The following DNAH11 variants were observed in gnomAD, a reference collection of about 807,000 sequenced individuals.
DNAH11 encodes dynein axonemal heavy chain 11.
DNAH11 carries 442 observed loss-of-function variants against 526.0 expected under a neutral mutation model. That is an observed-to-expected ratio of 0.84 (90% CI 0.78 to 0.91). The LOEUF is 0.91. Ranked by LOEUF, DNAH11 falls within the 40% of genes least tolerant of loss-of-function variation. The probability of loss-of-function intolerance (pLI) is 0.00; values close to 1 mark genes in which losing one functional copy is unlikely to be tolerated. For missense variants in DNAH11, 6,989 were observed against 5,448.7 expected, an observed-to-expected ratio of 1.28 and a Z score of -8.90; for synonymous variants, 2,461 against 1,935.9, an observed-to-expected ratio of 1.27 and a Z score of -7.12.
At chr7:21,789,806 T>TTTC (rs1411401870) in intron 61 of DNAH11, among the ~76,000 whole-genome samples, 5 of 68,764 alleles carry the variant, frequency 7.3e-5, no homozygotes, top group African/African-American at 2.6e-4. Flanking sequence ...TCTTTCTTTC[T>TTTC]TTTTTCTTTC....
chr7:21,765,172 A>G (rs1007714284), intron 54 of DNAH11, among the ~76,000 whole-genome samples: 2 of 152,122 alleles, frequency 1.3e-5, no homozygotes, highest in Non-Finnish European at 2.9e-5. Context: ...ATGATAACCA[A>G]AAATGTTTAA....
At chr7:21,820,642 G>A (rs1278569266) in intron 65 of DNAH11, among the ~76,000 whole-genome samples, 3 of 152,138 alleles carry the variant, frequency 2.0e-5, no homozygotes, top group African/African-American at 7.2e-5. Flanking sequence ...GACTGGAGAG[G>A]AGAGCAGGAC....
intron 8 of DNAH11, 113 bp from the exon 9 acceptor site, chr7:21,581,792 T>G: frequency 1.5e-6 from 1 of 665,724 alleles, no homozygotes; most frequent in Non-Finnish European, 2.6e-6. Context: ...ATAAATTCAC[T>G]CAGAGACAGA....
chr7:21,635,399 G>A (rs542920264), intron 25 of DNAH11, among the ~76,000 whole-genome samples: 171 of 152,144 alleles, frequency 1.1e-3, no homozygotes, highest in African/African-American at 3.7e-3. Context: ...CTCGTGATCC[G>A]CCCACCTCGG....
chr7:21,806,433 T>C (rs1789266239), intron 62 of DNAH11, among the ~76,000 whole-genome samples: 1 of 152,220 alleles, frequency 6.6e-6, no homozygotes, highest in South Asian at 2.1e-4. Flanking sequence ...TGTTTAATTA[T>C]ATAGTTAACT....
intron 63 of DNAH11, among the ~76,000 whole-genome samples, chr7:21,808,922 A>G (rs970820492): frequency 1.1e-4 from 17 of 152,134 alleles, no homozygotes; most frequent in Admixed American, 2.6e-4. Context: ...GCTGGATCAT[A>G]TGGTAGTTAT....
At chr7:21,885,478 A>G (rs923803072) in intron 76 of DNAH11, among the ~76,000 whole-genome samples, 22 of 151,996 alleles carry the variant, frequency 1.4e-4, no homozygotes, top group Non-Finnish European at 1.8e-4. Context: ...TGGGGAATGA[A>G]TGGTCAACAG....
At chr7:21,798,830 TAAATGTC>T (rs1788834438) in intron 61 of DNAH11, among the ~76,000 whole-genome samples, 1 of 152,226 alleles carries the variant, frequency 6.6e-6, no homozygotes, top group Non-Finnish European at 1.5e-5. Context: ...TGCAAAAATC[TAAATGTC>T]ATTTTTAATT....
intron 49 of DNAH11, 131 bp from the exon 50 acceptor site, chr7:21,744,307 C>T (rs932184150): frequency 1.1e-4 from 111 of 1,026,144 alleles, no homozygotes; most frequent in Middle Eastern, 2.7e-4. Context: ...TACACGAACA[C>T]GCACATTACT....
At chr7:21,598,422 T>C (rs1282276524) in intron 14 of DNAH11, among the ~76,000 whole-genome samples, 2 of 152,070 alleles carry the variant, frequency 1.3e-5, no homozygotes, top group African/African-American at 4.8e-5. Flanking sequence ...TCAGGTCCTA[T>C]TTTGCCCCAA....
rs116156763 is a variant in DNAH11 at position 21,594,418 on chromosome 7, C to T, written c.2667+2841C>T. Among the ~76,000 whole-genome samples the T allele has an allele frequency of 5.2e-3, 799 of 152,280 alleles. 8 individuals are homozygous for T. The highest frequency in any genetic ancestry group is 0.018 in the African/African-American group (766 of 41,544). On this transcript the variant is annotated intron_variant, in intron 14 of 81. Coordinates refer to ENST00000409508, the MANE Select transcript of DNAH11 (RefSeq NM_001277115.2). ...AGAGCAGAGCAGACAAAGTTCCTTG[C>T]TCTCATGGAACTTGAATCAAGTGAG...
At chr7:21,756,960 A>C in intron 54 of DNAH11, among the ~76,000 whole-genome samples, 1 of 152,152 alleles carries the variant, frequency 6.6e-6, no homozygotes, top group Non-Finnish European at 1.5e-5. Flanking sequence ...ATTTCTCATT[A>C]AGTTCTTTTC....
intron 36 of DNAH11, among the ~76,000 whole-genome samples, chr7:21,701,965 G>C (rs367711027): frequency 6.6e-6 from 1 of 152,098 alleles, no homozygotes; most frequent in African/African-American, 2.4e-5. Context: ...CAGTTAGTTC[G>C]TTAGGAATAC....
intron 63 of DNAH11, among the ~76,000 whole-genome samples, chr7:21,812,515 ATT>A (rs200226198): frequency 2.6e-4 from 39 of 151,290 alleles, no homozygotes; most frequent in Admixed American, 8.6e-4. Context: ...TGAAAAAAAA[ATT>A]TTTTTTAAAC....
chr7:21,610,708 G>C (rs1480368879), intron 20 of DNAH11, among the ~76,000 whole-genome samples: 1 of 151,332 alleles, frequency 6.6e-6, no homozygotes, highest in Non-Finnish European at 1.5e-5. Flanking sequence ...AAATACAGTT[G>C]TGAAAAAAAA....
Position 21,601,119 on chromosome 7 carries a change from C to G in DNAH11, c.3365C>G (p.Thr1122Ser). Residue 1122 changes from threonine (T) to serine (S), a missense_variant, in exon 17 of 82, where the codon ACC (threonine) becomes AGC (serine). Transcript: ENST00000409508. ...AAGCCTTTCAAAGTGAGCTTGTTAA[C>G]CATAATTAAGAAATGGAGCTGGATG... ...DMKPFKVSLL[T>S]IIKKWSWMFQ... 6.2e-7 allele frequency: 1 copy of G among 1,610,472 alleles called. No individual in the cohort carries two copies. Among genetic ancestry groups the G allele is most frequent in the African/African-American group, 1.3e-5 (1 of 74,840 alleles).
chr7:21,883,722 C>G (rs1470409923), intron 75 of DNAH11, among the ~76,000 whole-genome samples: 1 of 152,160 alleles, frequency 6.6e-6, no homozygotes, highest in Non-Finnish European at 1.5e-5. Context: ...CAAACATGTT[C>G]TAGGGATGAC....
At chr7:21,789,204 A>G (rs1179854054) in intron 60 of DNAH11, 37 bp from the exon 61 acceptor site, 2 of 1,410,756 alleles carry the variant, frequency 1.4e-6, no homozygotes, top group Non-Finnish European at 2.0e-6. Flanking sequence ...ATGATTACTT[A>G]TCCTCTTTGT....
intron 20 of DNAH11, among the ~76,000 whole-genome samples, chr7:21,613,131 A>G (rs962102462): frequency 2.3e-4 from 35 of 151,750 alleles, no homozygotes; most frequent in Non-Finnish European, 4.0e-4. Flanking sequence ...GTGTATTCAT[A>G]TAATGTAGTA....
Sources: gnomAD v4.1 joint callset for allele counts (sites outside exome capture counted in the v4.1 genomes callset) on GRCh38, gnomAD v4.1.1 for gene constraint, MANE v1.5 for transcripts, NCBI Gene and HGNC (gene_info 2026-07-23, HGNC 2026-07-21) for gene names.